Variants in SLC7A1 observed in about 807,000 individuals in gnomAD.
SLC7A1 encodes solute carrier family 7 member 1.
In SLC7A1, 10 loss-of-function variants were observed where a neutral mutation model predicts 53.9. That is an observed-to-expected ratio of 0.19 (90% CI 0.11 to 0.31). SLC7A1 has a LOEUF of 0.31. Among genes scored for constraint, SLC7A1 ranks in the 10% least tolerant of loss-of-function variants. SLC7A1 has a pLI of 1.00. For synonymous variants in SLC7A1, 342 were observed against 338.7 expected (o/e 1.01, Z -0.11); for missense variants, 525 against 827.2 (o/e 0.63, Z 4.48).
At chr13:29,569,560 A>C (rs547335415) in intron 1 of SLC7A1, among the ~76,000 whole-genome samples, 58 of 152,264 alleles carry the variant, frequency 3.8e-4, no homozygotes, top group Non-Finnish European at 7.6e-4. Flanking sequence ...CAATAATCAC[A>C]TGATAGCCCT....
At chr13:29,583,484 C>T (rs1481268741) in intron 1 of SLC7A1, among the ~76,000 whole-genome samples, 1 of 152,200 alleles carries the variant, frequency 6.6e-6, no homozygotes, top group East Asian at 1.9e-4. Flanking sequence ...TCTTAGTAGA[C>T]TTCAACTCTT....
chr13:29,555,419 ACAC>A (rs1870396350), intron 1 of SLC7A1, among the ~76,000 whole-genome samples: 1 of 149,520 alleles, frequency 6.7e-6, no homozygotes, highest in South Asian at 2.1e-4. Flanking sequence ...TGCCATGATC[ACAC>A]CAGTGGAACT....
chr13:29,522,185 C>A (rs1868657573), intron 8 of SLC7A1, 132 bp downstream of exon 8: 1 of 934,342 alleles, frequency 1.1e-6, no homozygotes, highest in Admixed American at 2.1e-5. Context: ...AACCAGGCTC[C>A]AAGTATAAAA....
intron 1 of SLC7A1, among the ~76,000 whole-genome samples, chr13:29,578,697 G>T (rs1264120482): frequency 6.6e-6 from 1 of 152,338 alleles, no homozygotes; most frequent in African/African-American, 2.4e-5. Flanking sequence ...GCTCTTGCCC[G>T]GTGCCTTTTC....
At chr13:29,572,824 C>A (rs75173910) in intron 1 of SLC7A1, among the ~76,000 whole-genome samples, 1 of 152,138 alleles carries the variant, frequency 6.6e-6, no homozygotes, top group African/African-American at 2.4e-5. Context: ...ACCAACCACA[C>A]CAACCAGAAG....
chr13:29,547,630 T>G (rs2139126401), intron 2 of SLC7A1, among the ~76,000 whole-genome samples: 1 of 152,332 alleles, frequency 6.6e-6, no homozygotes, highest in South Asian at 2.1e-4. Context: ...TCGACAATTT[T>G]TAAATAATGA....
intron 8 of SLC7A1, among the ~76,000 whole-genome samples, chr13:29,521,810 C>T (rs1438096033): frequency 5.3e-5 from 8 of 152,146 alleles, no homozygotes; most frequent in Non-Finnish European, 8.8e-5. Flanking sequence ...TCTGCTATTA[C>T]GTATAAACTT....
intron 1 of SLC7A1, among the ~76,000 whole-genome samples, chr13:29,573,540 G>A (rs920814159): frequency 6.6e-5 from 10 of 152,096 alleles, no homozygotes; most frequent in African/African-American, 1.2e-4. Flanking sequence ...GGCCCACATC[G>A]TCCCCTTTCA....
chr13:29,545,079 T>A (rs140030581), intron 2 of SLC7A1, among the ~76,000 whole-genome samples: 165 of 152,276 alleles, frequency 1.1e-3, no homozygotes, highest in African/African-American at 3.7e-3. Flanking sequence ...TTGTCTCAGG[T>A]AATCATCACC....
intron 5 of SLC7A1, among the ~76,000 whole-genome samples, chr13:29,527,318 C>T (rs571971266): frequency 9.2e-5 from 14 of 152,180 alleles, no homozygotes; most frequent in South Asian, 6.2e-4. Flanking sequence ...TTTTTTAAAG[C>T]GTTATGAACC....
intron 7 of SLC7A1, 149 bp downstream of exon 7, chr13:29,523,117 C>T (rs1868706896): frequency 3.0e-6 from 2 of 674,572 alleles, no homozygotes; most frequent in Non-Finnish European, 5.2e-6. Context: ...GCCACATGAT[C>T]AAAGCTGGGT....
At chr13:29,578,808 C>T (rs1871521056) in intron 1 of SLC7A1, among the ~76,000 whole-genome samples, 1 of 152,268 alleles carries the variant, frequency 6.6e-6, no homozygotes, top group Admixed American at 6.5e-5. Flanking sequence ...TCAAAAGCCA[C>T]AGACTTTAAT....
intron 7 of SLC7A1, 114 bp from the exon 8 acceptor site, chr13:29,522,570 G>A (rs1868677745): frequency 1.7e-6 from 2 of 1,148,292 alleles, no homozygotes; most frequent in South Asian, 1.5e-5. Flanking sequence ...CTCACCAAGA[G>A]CTGCCGTCCC....
intron 4 of SLC7A1, 38 bp from the exon 5 acceptor site, chr13:29,530,750 T>A: frequency 1.3e-6 from 2 of 1,584,020 alleles, no homozygotes; most frequent in South Asian, 2.2e-5. Flanking sequence ...TGTCTGAGTG[T>A]TAACCACAAA....
intron 2 of SLC7A1, among the ~76,000 whole-genome samples, chr13:29,540,521 G>A (rs1869615168): frequency 1.3e-5 from 2 of 152,212 alleles, no homozygotes; most frequent in Non-Finnish European, 2.9e-5. Context: ...TCTGATACAA[G>A]TGACAGGGTG....
intron 1 of SLC7A1, among the ~76,000 whole-genome samples, chr13:29,565,175 T>C (rs1336847711): frequency 6.6e-6 from 1 of 152,256 alleles, no homozygotes; most frequent in South Asian, 2.1e-4. Context: ...AGGATATTGA[T>C]GTTTCTGTCT....
intron 2 of SLC7A1, among the ~76,000 whole-genome samples, chr13:29,546,962 C>T (rs142914395): frequency 3.3e-5 from 5 of 152,296 alleles, no homozygotes; most frequent in East Asian, 1.9e-4. Context: ...AATAAGAGCG[C>T]GGAGTGTAGC....
At chr13:29,588,075 T>C (rs937707199) in intron 1 of SLC7A1, among the ~76,000 whole-genome samples, 21 of 152,234 alleles carry the variant, frequency 1.4e-4, no homozygotes, top group Non-Finnish European at 1.0e-4. Context: ...AAACACTTTT[T>C]CTTAAAAAGG....
intron 12 of SLC7A1, 111 bp downstream of exon 12, chr13:29,516,027 C>G: frequency 1.6e-6 from 1 of 642,728 alleles, no homozygotes; most frequent in Non-Finnish European, 2.8e-6. Context: ...TCAGCATTAT[C>G]TTCGAGAAAG....
Sources: gnomAD v4.1 joint callset for allele counts (sites outside exome capture counted in the v4.1 genomes callset) on GRCh38, gnomAD v4.1.1 for gene constraint, MANE v1.5 for transcripts, NCBI Gene and HGNC (gene_info 2026-07-23, HGNC 2026-07-21) for gene names.